WDR41: variants seen among roughly 807,000 people sequenced by gnomAD.
WDR41 encodes the protein WD repeat-containing protein 41.
WDR41 carries 63 observed loss-of-function variants against 69.3 expected under a neutral mutation model. The observed-to-expected ratio is 0.91, with a 90% CI of 0.74 to 1.12. WDR41 has a LOEUF of 1.12. WDR41 is among the 50% of genes most tolerant of loss of function. WDR41 has a pLI of 0.00. For synonymous variants in WDR41, 185 were observed against 192.1 expected (o/e 0.96, Z 0.31); for missense variants, 543 against 534.5 (o/e 1.02, Z -0.16).
chr5:77,561,500 T>C, intron 1 of WDR41, among the ~76,000 whole-genome samples: 1 of 152,168 alleles, frequency 6.6e-6, no homozygotes, highest in African/African-American at 2.4e-5. Flanking sequence ...ATCTACAACA[T>C]TTAAATAATG....
chr5:77,477,408 G>T, intron 2 of WDR41, among the ~76,000 whole-genome samples: 1 of 100,200 alleles, frequency 1.0e-5, no homozygotes, highest in African/African-American at 6.2e-5. Flanking sequence ...TTCCAAAATT[G>T]ACCACATAGT....
chr5:77,451,568 G>C, intron 6 of WDR41: 3 of 522,810 alleles, frequency 5.7e-6, no homozygotes, highest in Non-Finnish European at 1.0e-5. Context: ...TTTATTAAGA[G>C]CAGAATATGG....
At chr5:77,468,226 C>A (rs1039329173) in intron 2 of WDR41, among the ~76,000 whole-genome samples, 1 of 152,012 alleles carries the variant, frequency 6.6e-6, no homozygotes, top group Admixed American at 6.6e-5. Context: ...ATAAGTCACT[C>A]GGTAATTCAA....
At chr5:77,598,787 C>T (rs775116162) in intron 1 of WDR41, among the ~76,000 whole-genome samples, 7 of 151,728 alleles carry the variant, frequency 4.6e-5, no homozygotes, top group Non-Finnish European at 1.0e-4. Context: ...TCAATGTTAA[C>T]GCTGCTGCTG....
At chr5:77,582,391 G>C (rs1743955001) in intron 1 of WDR41, 1 of 1,610,748 alleles carries the variant, frequency 6.2e-7, no homozygotes, top group Admixed American at 1.7e-5. Context: ...GGGTGTAGAA[G>C]AGAAGAAGAA....
intron 1 of WDR41, among the ~76,000 whole-genome samples, chr5:77,565,516 C>T (rs1743608299): frequency 6.6e-6 from 1 of 151,972 alleles, no homozygotes; most frequent in Admixed American, 6.6e-5. Flanking sequence ...CCCTGGACTG[C>T]AATCATGGCA....
chr5:77,532,029 G>A (rs1378031690), intron 1 of WDR41, among the ~76,000 whole-genome samples: 1 of 152,028 alleles, frequency 6.6e-6, no homozygotes, highest in Admixed American at 6.6e-5. Flanking sequence ...ACTAGATAGA[G>A]ATAGTGGTTG....
At chr5:77,537,624 C>T (rs528790811) in intron 1 of WDR41, among the ~76,000 whole-genome samples, 2 of 152,070 alleles carry the variant, frequency 1.3e-5, no homozygotes, top group South Asian at 2.1e-4. Context: ...GGAGATGTTT[C>T]GGGGAGTGGG....
At chr5:77,477,223 T>A (rs964010033) in intron 2 of WDR41, among the ~76,000 whole-genome samples, 1 of 149,822 alleles carries the variant, frequency 6.7e-6, no homozygotes, top group African/African-American at 2.5e-5. Flanking sequence ...ACAATAATAA[T>A]GGGAGACTTT....
intron 1 of WDR41, among the ~76,000 whole-genome samples, chr5:77,498,786 TTCAGCCTGGG>T (rs1484549698): frequency 6.7e-6 from 1 of 150,248 alleles, no homozygotes; most frequent in Non-Finnish European, 1.5e-5. Flanking sequence ...GCCACTGTAC[TTCAGCCTGGG>T]TGACAGAGTA....
chr5:77,538,532 A>G (rs1743030353), intron 1 of WDR41, among the ~76,000 whole-genome samples: 1 of 152,074 alleles, frequency 6.6e-6, no homozygotes, highest in Non-Finnish European at 1.5e-5. Flanking sequence ...CTTGGCTCCT[A>G]CTTATAAGTG....
chr5:77,555,508 C>T (rs1743374578), intron 1 of WDR41, among the ~76,000 whole-genome samples: 2 of 152,108 alleles, frequency 1.3e-5, no homozygotes, highest in African/African-American at 4.8e-5. Context: ...CAAGGTCTCG[C>T]TATGTTGTCC....
At chr5:77,438,637 C>G (rs973526247) in intron 9 of WDR41, among the ~76,000 whole-genome samples, 1 of 152,160 alleles carries the variant, frequency 6.6e-6, no homozygotes, top group Admixed American at 6.5e-5. Flanking sequence ...TGAAATATAT[C>G]TAGAGAAAAG....
At chr5:77,566,453 T>C (rs1743631080) in intron 1 of WDR41, among the ~76,000 whole-genome samples, 1 of 152,122 alleles carries the variant, frequency 6.6e-6, no homozygotes, top group South Asian at 2.1e-4. Context: ...TAAACCATTC[T>C]AGGACAAAAA....
intron 1 of WDR41, among the ~76,000 whole-genome samples, chr5:77,517,631 CATATATATATAT>C (rs34773798): frequency 0.3 from 42,722 of 141,154 alleles, 6,605 homozygotes; most frequent in Non-Finnish European, 0.34. Context: ...ATTTATTGAA[CATATATATATAT>C]ATATATATAT....
chr5:77,470,919 A>C (rs541556472), intron 2 of WDR41, among the ~76,000 whole-genome samples: 4 of 152,320 alleles, frequency 2.6e-5, no homozygotes, highest in Admixed American at 2.6e-4. Flanking sequence ...CTCTGCACCA[A>C]GCAGACCTAA....
At chr5:77,539,255 T>C (rs1182229535) in intron 1 of WDR41, among the ~76,000 whole-genome samples, 3 of 152,244 alleles carry the variant, frequency 2.0e-5, no homozygotes, top group Non-Finnish European at 4.4e-5. Flanking sequence ...CATTGCACCA[T>C]CTGCAGACAA....
chr5:77,568,038 C>G (rs1455542935), intron 1 of WDR41, among the ~76,000 whole-genome samples: 2 of 151,900 alleles, frequency 1.3e-5, no homozygotes, highest in Non-Finnish European at 2.9e-5. Flanking sequence ...GAGTCTATAT[C>G]AGCTATACTG....
chr5:77,515,044 C>G (rs1802272430), intron 1 of WDR41, among the ~76,000 whole-genome samples: 1 of 152,140 alleles, frequency 6.6e-6, no homozygotes, highest in Non-Finnish European at 1.5e-5. Context: ...ACTTAGGTTA[C>G]ACTAAATTTA....
Sources: allele counts gnomAD v4.1 joint callset (sites outside exome capture counted in the v4.1 genomes callset), GRCh38; gene constraint gnomAD v4.1.1; transcripts MANE v1.5; gene names NCBI Gene and HGNC (gene_info 2026-07-23, HGNC 2026-07-21).